The following INAFM1 variants were observed in gnomAD, a reference collection of about 807,000 sequenced individuals.
INAFM1 encodes putative transmembrane protein INAFM1.
Under a neutral mutation model 9.4 loss-of-function variants are expected in INAFM1, and 11 were observed. That is an observed-to-expected ratio of 1.17 (90% confidence interval 0.74 to 1.94). INAFM1 has a LOEUF of 1.94. INAFM1 is among the 30% of genes most tolerant of loss of function. The pLI, the probability that INAFM1 is intolerant of heterozygous loss-of-function variation, is 0.00. For missense variants in INAFM1, 318 were observed against 221.6 expected (o/e 1.44, Z -2.76); for synonymous variants, 161 against 109.5 (o/e 1.47, Z -2.94).
chr19:47,275,220 G>A lies in INAFM1; in HGVS notation c.301G>A (p.Gly101Ser), dbSNP rs531690454. 1.5e-4 allele frequency: 228 copies of A among 1,528,602 alleles called. No homozygotes were observed. The African/African-American group carries it at 3.1e-3, about 21-fold the overall frequency. 94.7% of individuals were successfully genotyped at this position (1,528,602 alleles called of 1,614,324 possible). The change falls in exon 1 of 1, where the codon GGC becomes AGC. Residue 101 changes from glycine (G) to serine (S), a missense_variant. Transcript: ENST00000552360. ...CCTCTCCTGCCTCCTGGGAGTCCCC[G>A]GCGGGCCGCGACCCCAGCTCCAGCT... ...ASLSCLLGVP[G>S]GPRPQLQLPL...
At position 47,275,505 on chromosome 19, in the gene INAFM1, C is replaced by G; in HGVS notation, c.*157C>G. 1 of 1,053,376 alleles carries G rather than the reference C, an allele frequency of 9.5e-7. No individual in the cohort carries two copies. The highest frequency in any genetic ancestry group is 1.3e-6 in the Non-Finnish European group (1 of 754,938). 65.3% of individuals were successfully genotyped at this position (1,053,376 alleles called of 1,614,324 possible). A position where few individuals can be genotyped will look rare whatever the true frequency, so the allele number is the denominator to read the frequency against. On this transcript the variant is annotated 3_prime_UTR_variant, in exon 1 of 1. Coordinates refer to ENST00000552360, the MANE Select transcript of INAFM1 (RefSeq NM_178511.6). ...CGCGGAATGGGGGCCCAGGGGGTGT[C>G]AGCTCGGGGCCTTGCCTCTTGCAGC... is the stretch of plus-strand genomic sequence containing the variant.
Position 47,275,509 on chromosome 19 carries a change from T to C in INAFM1, c.*161T>C. 9.7e-7 allele frequency: 1 copy of C among 1,033,100 alleles called. No individual in the cohort carries two copies. 64.0% of individuals were successfully genotyped at this position (1,033,100 alleles called of 1,614,324 possible). A position where few individuals can be genotyped will look rare whatever the true frequency, so the allele number is the denominator to read the frequency against. ...GAATGGGGGCCCAGGGGGTGTCAGC[T>C]CGGGGCCTTGCCTCTTGCAGCTACT... On this transcript the variant is annotated 3_prime_UTR_variant, in exon 1 of 1. Transcript: ENST00000552360.
At chr19:47,274,781 G>C, upstream of INAFM1, 1 of 433,360 alleles carries the variant, frequency 2.3e-6, no homozygotes, top group East Asian at 6.2e-5. Flanking sequence ...GGCAGCTCGC[G>C]TGGGGGCGTG....
At position 47,275,569 on chromosome 19, in the gene INAFM1, A is replaced by C; in HGVS notation, c.*221A>C. On this transcript the variant is annotated 3_prime_UTR_variant, in exon 1 of 1. Transcript: ENST00000552360. ...GGCCGGGTCCTCCACCATCAGGAAG[A>C]TCCCATCCTGAGCTCTGTCTCCTGC... is the stretch of plus-strand genomic sequence containing the variant. The C allele has an allele frequency of 3.3e-6, 2 of 602,494 alleles. No homozygotes were observed. Among genetic ancestry groups the C allele is most frequent in the Non-Finnish European group, 5.7e-6 (2 of 352,264 alleles). The allele number at this position is 602,494 out of a possible 1,614,324, so 37.3% of individuals were successfully genotyped here.
At chr19:47,274,884 T>G, upstream of INAFM1, 4 of 1,199,338 alleles carry the variant, frequency 3.3e-6, no homozygotes, top group Non-Finnish European at 4.1e-6. Flanking sequence ...GCGGGGCCTG[T>G]GCGGTCTGCG....
rs1055218 is a variant in INAFM1, at chr19:47,275,155, G to T, written c.236G>T (p.Arg79Leu). ...GCGCCGTCCCCTCCGTGTGCTGCCCGCCCGGGCGTGCCGCCTGTCCCGGCG... is the reference window on the plus strand; with the variant it reads ...GCGCCGTCCCCTCCGTGTGCTGCCCTCCCGGGCGTGCCGCCTGTCCCGGCG... ...PSAPSPPCAA[R>L]PGVPPVPAPA... Residue 79 changes from arginine to leucine, a missense_variant, in exon 1 of 1, where the codon CGC (arginine) becomes CTC (leucine). Physicochemically the swap from Arg to Leu is moderately radical, Grantham distance 102 (BLOSUM62 -2). Transcript: ENST00000552360. The T allele has an allele frequency of 0.33, 491,968 of 1,481,784 alleles. 84,067 individuals carry two copies. The highest frequency in any genetic ancestry group is 0.6 in the East Asian group (21,146 of 35,010). 91.8% of individuals were successfully genotyped at this position (1,481,784 alleles called of 1,614,324 possible).
upstream of INAFM1, chr19:47,274,742 T>C: frequency 5.0e-6 from 1 of 200,502 alleles, no homozygotes; most frequent in Non-Finnish European, 7.4e-6. Context: ...GGGCGGAGGC[T>C]GGAGGGGGTG....
At position 47,275,042 on chromosome 19, in the gene INAFM1, G is replaced by T. The variant is rs1408421643; in HGVS notation, c.123G>T (p.Ser41=). ...APVCAYFLCV[S]LAAVLLAVYY... ...TATGCGCCTACTTCCTCTGCGTCTC[G>T]CTAGCTGCCGTGCTGCTCGCCGTGT... is the stretch of plus-strand genomic sequence containing the variant. The change falls in exon 1 of 1, where the codon TCG becomes TCT. Residue 41 remains serine (S), a synonymous_variant. Transcript: ENST00000552360. 2.0e-6 allele frequency: 3 copies of T among 1,490,342 alleles called. No individual in the cohort carries two copies. Among genetic ancestry groups the T allele is most frequent in the East Asian group, 2.9e-5 (1 of 34,484 alleles). 92.3% of individuals were successfully genotyped at this position (1,490,342 alleles called of 1,614,324 possible). A position where few individuals can be genotyped will look rare whatever the true frequency, so the allele number is the denominator to read the frequency against.
In INAFM1 at chr19:47,274,943, C is replaced by A. The variant is rs747348835; in HGVS notation, c.24C>A (p.Gly8=). The A allele has an allele frequency of 7.5e-7, 1 of 1,338,422 alleles. No homozygotes were observed. 82.9% of individuals were successfully genotyped at this position (1,338,422 alleles called of 1,614,324 possible). MRGTSCV[G]GGAESPGGAG... Reference sequence around the variant, plus strand: ...GGATGCGGGGGACCAGCTGCGTGGGCGGCGGCGCCGAGAGCCCCGGAGGCG... The same window carrying A: ...GGATGCGGGGGACCAGCTGCGTGGGAGGCGGCGCCGAGAGCCCCGGAGGCG... Residue 8 remains glycine, a synonymous_variant, in exon 1 of 1, where the codon GGC becomes GGA. Coordinates refer to ENST00000552360, the MANE Select transcript of INAFM1 (RefSeq NM_178511.6).
At chr19:47,274,839 G>A (rs1232937086), upstream of INAFM1, 17 of 911,770 alleles carry the variant, frequency 1.9e-5, no homozygotes, top group Non-Finnish European at 2.1e-5. Flanking sequence ...TAGAGAGCGG[G>A]GCGGTCTGCG....
Position 47,275,492 on chromosome 19 carries a change from G to A in INAFM1, c.*144G>A. 2 of 1,221,944 alleles carry A rather than the reference G, an allele frequency of 1.6e-6. No individual in the cohort carries two copies. The highest frequency in any genetic ancestry group is 1.6e-5 in the South Asian group (1 of 61,074). The allele number at this position is 1,221,944 out of a possible 1,614,324, so 75.7% of individuals were successfully genotyped here. On this transcript the variant is annotated 3_prime_UTR_variant, in exon 1 of 1. Coordinates refer to ENST00000552360, the MANE Select transcript of INAFM1 (RefSeq NM_178511.6). The stretch of plus-strand genomic sequence containing the variant: ...GGAGCCGTCATCCCGCGGAATGGGG[G>A]CCCAGGGGGTGTCAGCTCGGGGCCT...
upstream of INAFM1, chr19:47,274,525 C>G (rs925196118): frequency 6.1e-6 from 1 of 162,808 alleles, no homozygotes; most frequent in Non-Finnish European, 1.3e-5. Context: ...GGCTGCGGCA[C>G]AGGGCGGGTT....
Position 47,275,339 on chromosome 19 carries a change from A to G in INAFM1, c.420A>G (p.Arg140=), listed in dbSNP as rs1600299111. ...CGCCAGAGGCCGCGGAGGGGCGAAG[A>G]CCCGGGTAACTCTCCCTTCCACCCC... ...RETPEAAEGR[R]PG Residue 140 remains arginine (R), a synonymous_variant, in exon 1 of 1, where the codon AGA becomes AGG. Transcript: ENST00000552360. The G allele has an allele frequency of 6.5e-7, 1 of 1,542,958 alleles. No individual in the cohort carries two copies. Among genetic ancestry groups the G allele is most frequent in the Non-Finnish European group, 8.7e-7 (1 of 1,143,564 alleles).
In INAFM1 at chr19:47,275,486, A is replaced by C; in HGVS notation, c.*138A>C. On this transcript the variant is annotated 3_prime_UTR_variant, in exon 1 of 1. Transcript: ENST00000552360. ...GTCTCTGGAGCCGTCATCCCGCGGA[A>C]TGGGGGCCCAGGGGGTGTCAGCTCG... 4.0e-6 allele frequency: 5 copies of C among 1,260,478 alleles called. No individual in the cohort carries two copies. Among genetic ancestry groups the C allele is most frequent in the Non-Finnish European group, 5.3e-6 (5 of 941,578 alleles). The allele number at this position is 1,260,478 out of a possible 1,614,324, so 78.1% of individuals were successfully genotyped here. A position where few individuals can be genotyped will look rare whatever the true frequency, so the allele number is the denominator to read the frequency against.
In INAFM1 at chr19:47,275,169, CCTGTCCCGGCG is replaced by C; in HGVS notation, c.252_262del (p.Val85ArgfsTer33). 1 of 1,469,182 alleles carries C rather than the reference CCTGTCCCGGCG, an allele frequency of 6.8e-7. No individual in the cohort carries two copies. Among genetic ancestry groups the C allele is most frequent in the Non-Finnish European group, 9.0e-7 (1 of 1,116,612 alleles). 91.0% of individuals were successfully genotyped at this position (1,469,182 alleles called of 1,614,324 possible). ...GTGTGCTGCCCGCCCGGGCGTGCCG[CCTGTCCCGGCG>C]CCCGCCGCTGCCTCCCTCTCCTGCC... On this transcript the variant is annotated frameshift_variant, in exon 1 of 1. Transcript: ENST00000552360. LOFTEE classifies it high-confidence loss of function.
chr19:47,275,024 C>G lies in INAFM1; in HGVS notation c.105C>G (p.Ala35=), dbSNP rs1424417266. 2 of 1,487,426 alleles carry G rather than the reference C, an allele frequency of 1.3e-6. No homozygotes were observed. The highest frequency in any genetic ancestry group is 1.8e-6 in the Non-Finnish European group (2 of 1,123,412). 92.1% of individuals were successfully genotyped at this position (1,487,426 alleles called of 1,614,324 possible). The part of the protein sequence containing the change: ...GRWLRLAPVC[A]YFLCVSLAAV... ...GGCTGCGCTTGGCTCCGGTATGCGC[C>G]TACTTCCTCTGCGTCTCGCTAGCTG... Residue 35 remains alanine (A), a synonymous_variant, in exon 1 of 1, where the codon GCC becomes GCG. Transcript: ENST00000552360.
chr19:47,275,117 C>A lies in INAFM1; in HGVS notation c.198C>A (p.Gly66=). 1 of 1,491,890 alleles carries A rather than the reference C, an allele frequency of 6.7e-7. No homozygotes were observed. The allele number at this position is 1,491,890 out of a possible 1,614,324, so 92.4% of individuals were successfully genotyped here. A position where few individuals can be genotyped will look rare whatever the true frequency, so the allele number is the denominator to read the frequency against. The part of the protein sequence containing the change: ...VPTRSPAAPA[G]PQPSAPSPPC... ...CGCGGTCTCCCGCGGCACCCGCCGG[C>A]CCACAGCCCAGCGCGCCGTCCCCTC... is the stretch of plus-strand genomic sequence containing the variant. The change falls in exon 1 of 1, where the codon GGC becomes GGA. Residue 66 remains glycine (G), a synonymous_variant. Coordinates refer to ENST00000552360, the MANE Select transcript of INAFM1 (RefSeq NM_178511.6).
Position 47,275,384 on chromosome 19 carries a change from C to T in INAFM1, c.*36C>T, listed in dbSNP as rs987706439. On this transcript the variant is annotated 3_prime_UTR_variant, in exon 1 of 1. Coordinates refer to ENST00000552360, the MANE Select transcript of INAFM1 (RefSeq NM_178511.6). ...CACCCCAACCCGGATCGCCAGCCCT[C>T]GAGAGCTCTGTGCTCCACGCCGAGG... The T allele has an allele frequency of 9.8e-6, 15 of 1,526,462 alleles. No individual in the cohort carries two copies. Among genetic ancestry groups the T allele is most frequent in the Admixed American group, 2.0e-5 (1 of 48,938 alleles). 94.6% of individuals were successfully genotyped at this position (1,526,462 alleles called of 1,614,324 possible). A position where few individuals can be genotyped will look rare whatever the true frequency, so the allele number is the denominator to read the frequency against.
rs571857164 is a variant in INAFM1 at position 47,275,435 on chromosome 19, C to T, written c.*87C>T. 5.2e-5 allele frequency: 75 copies of T among 1,443,172 alleles called. No individual in the cohort carries two copies. In the Admixed American group the frequency reaches 1.4e-3, roughly 26 times the overall value. 89.4% of individuals were successfully genotyped at this position (1,443,172 alleles called of 1,614,324 possible). A position where few individuals can be genotyped will look rare whatever the true frequency, so the allele number is the denominator to read the frequency against. ...ATGCACCGTCTCTGGATTGGTCCGG[C>T]CTTCTTCCTAATGACATCGCTCAGC... On this transcript the variant is annotated 3_prime_UTR_variant, in exon 1 of 1. Transcript: ENST00000552360.
Sources: gnomAD v4.1 joint callset for allele counts on GRCh38, gnomAD v4.1.1 for gene constraint, MANE v1.5 for transcripts, NCBI Gene and HGNC (gene_info 2026-07-23, HGNC 2026-07-21) for gene names.